The following ESRRG variants were observed in gnomAD, a reference collection of about 807,000 sequenced individuals.
ESRRG encodes the protein estrogen related receptor gamma.
In ESRRG, 13 loss-of-function variants were observed where a neutral mutation model predicts 44.0. That is an observed-to-expected ratio of 0.30 (90% CI 0.19 to 0.47). The LOEUF is 0.47. ESRRG is among the 20% of genes least tolerant of loss of function. ESRRG has a pLI of 1.00. For missense variants in ESRRG, 395 were observed against 580.6 expected, an observed-to-expected ratio of 0.68 and a Z score of 3.29; for synonymous variants, 215 against 214.6, an observed-to-expected ratio of 1.00 and a Z score of -0.02.
Position 216,949,329 on chromosome 1 carries a change from G to T in ESRRG, c.-105-9656C>A, listed in dbSNP as rs573389314. On this transcript the variant is annotated intron_variant, in intron 1 of 7. Coordinates refer to the ESRRG transcript ENST00000359162. ...CAAAATAAGTGAAATAATGTTGAAG[G>T]TTTCTTAAGGGAGAATAAAAGGTTT... is the stretch of plus-strand genomic sequence containing the variant. Among the ~76,000 whole-genome samples, 5 of 152,280 alleles carry T rather than the reference G, an allele frequency of 3.3e-5. No individual in the cohort carries two copies. The East Asian group carries it at 9.7e-4, about 29-fold the overall frequency.
chr1:216,852,640 G>A (rs1351702958), intron 2 of ESRRG, among the ~76,000 whole-genome samples: 3 of 152,242 alleles, frequency 2.0e-5, no homozygotes, highest in South Asian at 2.1e-4. Context: ...AAGTTTCACT[G>A]AATTTTGAAT....
intron 2 of ESRRG, among the ~76,000 whole-genome samples, chr1:216,880,997 G>T (rs1239445211): frequency 6.6e-6 from 1 of 152,034 alleles, no homozygotes; most frequent in Admixed American, 6.6e-5. Context: ...AAAATGAGTT[G>T]TTCTGCAGTC....
intron 1 of ESRRG, among the ~76,000 whole-genome samples, chr1:217,081,068 G>C (rs1038241266): frequency 6.6e-6 from 1 of 151,994 alleles, no homozygotes; most frequent in African/African-American, 2.4e-5. Flanking sequence ...ATCTTGGGTA[G>C]AGTTTGCTTT....
At chr1:216,646,078 G>T (rs777430094) in intron 3 of ESRRG, among the ~76,000 whole-genome samples, 7 of 151,868 alleles carry the variant, frequency 4.6e-5, no homozygotes, top group Non-Finnish European at 8.8e-5. Flanking sequence ...CCTTTCTGAA[G>T]CTAAACCAGT....
At chr1:216,626,133 C>T in intron 3 of ESRRG, among the ~76,000 whole-genome samples, 1 of 152,204 alleles carries the variant, frequency 6.6e-6, no homozygotes, top group Non-Finnish European at 1.5e-5. Context: ...TGTTGGCAAT[C>T]CCAGTGATAT....
intron 2 of ESRRG, among the ~76,000 whole-genome samples, chr1:216,856,286 C>G (rs141697991): frequency 6.6e-6 from 1 of 151,910 alleles, no homozygotes; most frequent in African/African-American, 2.4e-5. Context: ...AAAGCATGCT[C>G]CTTACATTTC....
chr1:216,651,444 A>T (rs1255983761), intron 2 of ESRRG, among the ~76,000 whole-genome samples: 2 of 152,156 alleles, frequency 1.3e-5, no homozygotes, highest in African/African-American at 4.8e-5. Flanking sequence ...TCAAAACCAG[A>T]TTCTTGGATT....
rs113796323 is a variant in ESRRG at position 216,555,904 on chromosome 1, G to A, written c.862+8315C>T. 2.0e-3 allele frequency among the ~76,000 whole-genome samples: 297 copies of A among 152,144 alleles called. 1 individual carries two copies. Among genetic ancestry groups the A allele is most frequent in the Non-Finnish European group, 3.6e-3 (248 of 68,000 alleles). ...GGAGATTGGCTGAGGCAGATAAAGGGGGACGCAGGGGAAAAAGTGCGACCA... is the reference window on the plus strand; with the variant it reads ...GGAGATTGGCTGAGGCAGATAAAGGAGGACGCAGGGGAAAAAGTGCGACCA... On this transcript the variant is annotated intron_variant, in intron 5 of 6. Transcript: ENST00000408911.
At position 217,085,481 on chromosome 1, in the gene ESRRG, A is replaced by ATTTTTTTTTTTTT. The variant is rs148354268; in HGVS notation, c.-106+4013_-106+4025dup. On this transcript the variant is annotated intron_variant, in intron 1 of 7. Transcript: ENST00000359162. ...TTTTCTTTCTTTTTCTTTTCTTTTC[A>ATTTTTTTTTTTTT]TTTTTTTTTTTTTTTTTTTTTTTTT... Among the ~76,000 whole-genome samples the ATTTTTTTTTTTTT allele has an allele frequency of 1.2e-3, 61 of 49,136 alleles. 7 individuals carry two copies. Among genetic ancestry groups the ATTTTTTTTTTTTT allele is most frequent in the African/African-American group, 5.5e-3 (60 of 10,840 alleles). 32.2% of individuals were successfully genotyped at this position (49,136 alleles called of 152,430 possible).
intron 1 of ESRRG, among the ~76,000 whole-genome samples, chr1:217,106,865 T>C (rs1213251072): frequency 2.0e-5 from 3 of 152,182 alleles, no homozygotes; most frequent in Admixed American, 6.5e-5. Context: ...TGGCAAACAA[T>C]AGATTCTGCC....
intron 1 of ESRRG, chr1:216,707,359 C>T (rs866831098): frequency 6.5e-7 from 1 of 1,535,712 alleles, no homozygotes; most frequent in Non-Finnish European, 8.7e-7. Flanking sequence ...TCGGGCCCAC[C>T]TTTTAGCTGA....
chr1:216,626,268 A>G (rs142820087), intron 3 of ESRRG, among the ~76,000 whole-genome samples: 1 of 152,082 alleles, frequency 6.6e-6, no homozygotes, highest in Non-Finnish European at 1.5e-5. Flanking sequence ...TACAACTCCA[A>G]TCTTCATCTC....
chr1:216,987,917 G>A (rs11572452), intron 1 of ESRRG, among the ~76,000 whole-genome samples: 3,740 of 152,148 alleles, frequency 0.025, 150 homozygotes, highest in African/African-American at 0.084. Context: ...CCCTTTGGTG[G>A]CATCACTCTA....
intron 1 of ESRRG, among the ~76,000 whole-genome samples, chr1:216,997,487 T>C (rs1221470017): frequency 1.3e-5 from 2 of 152,218 alleles, no homozygotes; most frequent in Non-Finnish European, 2.9e-5. Flanking sequence ...TTAAGGTACA[T>C]ATTGCAGGAA....
chr1:216,838,835 G>T (rs553559863), intron 2 of ESRRG, among the ~76,000 whole-genome samples: 1 of 152,264 alleles, frequency 6.6e-6, no homozygotes. Flanking sequence ...TATTACTAAG[G>T]AATGCTAATG....
At chr1:216,663,384 CA>C (rs1214816708) in intron 2 of ESRRG, among the ~76,000 whole-genome samples, 2 of 152,112 alleles carry the variant, frequency 1.3e-5, no homozygotes, top group Non-Finnish European at 2.9e-5. Flanking sequence ...AAATGGATAT[CA>C]GAATGTAGAT....
chr1:217,023,770 G>A (rs2080743154), intron 1 of ESRRG, among the ~76,000 whole-genome samples: 2 of 152,138 alleles, frequency 1.3e-5, no homozygotes, highest in African/African-American at 4.8e-5. Context: ...AAAACTAAAG[G>A]TTAGGGATGG....
chr1:217,066,157 T>C (rs980726259), intron 1 of ESRRG, among the ~76,000 whole-genome samples: 14 of 152,238 alleles, frequency 9.2e-5, no homozygotes, highest in Non-Finnish European at 4.4e-5. Context: ...AGCCACAACA[T>C]ACATATTACA....
intron 1 of ESRRG, among the ~76,000 whole-genome samples, chr1:217,073,476 G>A (rs2090871712): frequency 6.6e-6 from 1 of 152,128 alleles, no homozygotes; most frequent in Non-Finnish European, 1.5e-5. Flanking sequence ...TCAACAAATA[G>A]TTACTGAGCA....
Sources: gnomAD v4.1 joint callset for allele counts (sites outside exome capture counted in the v4.1 genomes callset) on GRCh38, gnomAD v4.1.1 for gene constraint, MANE v1.5 for transcripts, NCBI Gene and HGNC (gene_info 2026-07-23, HGNC 2026-07-21) for gene names.